BCAS3: variants seen among roughly 807,000 people sequenced by gnomAD.
The protein encoded by BCAS3 is BCAS4/BCAS3 fusion.
BCAS3 carries 53 observed loss-of-function variants against 116.1 expected under a neutral mutation model. The observed-to-expected ratio is 0.46, with a 90% confidence interval of 0.37 to 0.57. The LOEUF (loss-of-function observed/expected upper bound fraction) is 0.57, where lower values mean the gene tolerates loss of function less well. Among genes scored for constraint, BCAS3 ranks in the 20% least tolerant of loss-of-function variants. The pLI is 0.00. For synonymous variants in BCAS3, 391 were observed against 408.2 expected, an observed-to-expected ratio of 0.96 and a Z score of 0.51; for missense variants, 917 against 1,165.4, an observed-to-expected ratio of 0.79 and a Z score of 3.10.
At position 61,077,116 on chromosome 17, in the gene BCAS3, C is replaced by A. The variant is rs1450300103; in HGVS notation, c.2131-1217C>A. Among the ~76,000 whole-genome samples, 1 of 149,452 alleles carries A rather than the reference C, an allele frequency of 6.7e-6. No individual in the cohort carries two copies. Among genetic ancestry groups the A allele is most frequent in the Non-Finnish European group, 1.5e-5 (1 of 67,870 alleles). On this transcript the variant is annotated intron_variant, in intron 20 of 23. Coordinates refer to ENST00000407086, the MANE Select transcript of BCAS3 (RefSeq NM_017679.5). The surrounding 1 kb of genome is among the most constrained non-coding windows in gnomAD (Gnocchi z 4.3). ...TTAAACTAGTTTGTATATTTAGTCTCTCATTCGAGTTGATTATTTGTAAAA... is the reference window on the plus strand; with the variant it reads ...TTAAACTAGTTTGTATATTTAGTCTATCATTCGAGTTGATTATTTGTAAAA...
At chr17:61,174,604 T>G (rs917573) in intron 22 of BCAS3, among the ~76,000 whole-genome samples, 108,448 of 152,162 alleles carry the variant, frequency 0.71, 39,755 homozygotes, top group South Asian at 0.87. Flanking sequence ...TGTGACTAGT[T>G]CTGTAATGAA....
intron 22 of BCAS3, chr17:61,086,981 T>C: frequency 1.0e-6 from 1 of 985,406 alleles, no homozygotes; most frequent in Non-Finnish European, 1.2e-6. Context: ...TCTACATCTG[T>C]GGAAAACAAC....
intron 22 of BCAS3, among the ~76,000 whole-genome samples, chr17:61,102,599 T>C (rs1160310781): frequency 1.3e-5 from 2 of 152,194 alleles, no homozygotes; most frequent in Admixed American, 1.3e-4. Flanking sequence ...TTACATAGCT[T>C]GTTGTTAAAG....
At chr17:60,692,962 G>C (rs1270913776) in intron 4 of BCAS3, among the ~76,000 whole-genome samples, 1 of 151,834 alleles carries the variant, frequency 6.6e-6, no homozygotes, top group East Asian at 1.9e-4. Flanking sequence ...CTGACCTTAG[G>C]AGAAATCAGA....
intron 6 of BCAS3, among the ~76,000 whole-genome samples, chr17:60,761,534 A>G (rs2043533041): frequency 6.6e-6 from 1 of 152,000 alleles, no homozygotes; most frequent in Admixed American, 6.6e-5. Context: ...AAGGACATGA[A>G]CTCATCATTT....
rs1056408474 is a variant in BCAS3 at position 61,134,459 on chromosome 17, C to T, written c.2425+49895C>T. Among the ~76,000 whole-genome samples the T allele has an allele frequency of 1.3e-5, 2 of 152,208 alleles. No homozygotes were observed. The highest frequency in any genetic ancestry group is 4.8e-5 in the African/African-American group (2 of 41,450). ...GACTCCAGAGCCCTCGCTTTTTACA[C>T]CAGCCTCTACTATCTCCCTGTGTGA... On this transcript the variant is annotated intron_variant, in intron 22 of 23. Transcript: ENST00000407086. This position sits in a 1 kb window ranked among gnomAD's most constrained non-coding sequence, Gnocchi z 4.6.
intron 8 of BCAS3, among the ~76,000 whole-genome samples, chr17:60,871,652 A>G (rs1044503673): frequency 2.0e-5 from 3 of 151,206 alleles, no homozygotes; most frequent in Non-Finnish European, 4.4e-5. Context: ...AGTGAAGTCA[A>G]TATGAGGACG....
rs766685633 is a variant in BCAS3, at chr17:61,027,448, A to G, written c.1638-7218A>G. 4.0e-5 allele frequency: 17 copies of G among 429,538 alleles called. No homozygotes were observed. The East Asian group carries it at 1.2e-3, about 31-fold the overall frequency. 26.6% of individuals were successfully genotyped at this position (429,538 alleles called of 1,614,324 possible). A position where few individuals can be genotyped will look rare whatever the true frequency, so the allele number is the denominator to read the frequency against. ...TATTTTACATAAAACCTCCTAAATA[A>G]TTTATTATTTTGAATTATTAGCACA... On this transcript the variant is annotated intron_variant, in intron 16 of 23. Transcript: ENST00000407086.
chr17:61,214,670 G>A lies in BCAS3; in HGVS notation c.2425+130106G>A, dbSNP rs998227641. The stretch of plus-strand genomic sequence containing the variant: ...CGCGCCACTGCACTCCAGCCTGGGC[G>A]ACAGAGCAAGACTCCATCTCAAAAA... On this transcript the variant is annotated intron_variant, in intron 22 of 23. Transcript: ENST00000407086. This position sits in a 1 kb window ranked among gnomAD's most constrained non-coding sequence, Gnocchi z 4.4. 2.6e-5 allele frequency among the ~76,000 whole-genome samples: 4 copies of A among 151,466 alleles called. No homozygotes were observed. Among genetic ancestry groups the A allele is most frequent in the Non-Finnish European group, 5.9e-5 (4 of 67,888 alleles).
rs2083025072 is a variant in BCAS3 at position 61,235,969 on chromosome 17, T to A, written c.2426-132358T>A. On this transcript the variant is annotated intron_variant, in intron 22 of 23. Coordinates refer to ENST00000407086, the MANE Select transcript of BCAS3 (RefSeq NM_017679.5). The surrounding 1 kb of genome is among the most constrained non-coding windows in gnomAD (Gnocchi z 5.0). ...CAAAGGCTGATTATCCAAACAAGAA[T>A]TTGGACTGCAGCAGTCGGACCAGTT... Among the ~76,000 whole-genome samples, 1 of 152,180 alleles carries A rather than the reference T, an allele frequency of 6.6e-6. No homozygotes were observed. The highest frequency in any genetic ancestry group is 2.4e-5 in the African/African-American group (1 of 41,432).
intron 22 of BCAS3, among the ~76,000 whole-genome samples, chr17:61,287,452 G>GT (rs1222660526): frequency 6.6e-6 from 1 of 152,102 alleles, no homozygotes; most frequent in Non-Finnish European, 1.5e-5. Context: ...TTTGCAGGGC[G>GT]TGGTGGCTCA....
rs146080130 is a variant in BCAS3 at position 61,358,368 on chromosome 17, A to G, written c.2426-9959A>G. 6.6e-5 allele frequency among the ~76,000 whole-genome samples: 10 copies of G among 152,214 alleles called. No individual in the cohort carries two copies. In the East Asian group the frequency reaches 1.9e-3, roughly 29 times the overall value. On this transcript the variant is annotated intron_variant, in intron 22 of 23. Transcript: ENST00000407086. ...AAGTATAACTTTCTTAACAAATACC[A>G]TATTGTAGGGCTGTGTTAAAATGGC...
chr17:60,813,747 C>T (rs2049063654), intron 7 of BCAS3, among the ~76,000 whole-genome samples: 1 of 152,024 alleles, frequency 6.6e-6, no homozygotes, highest in African/African-American at 2.4e-5. Flanking sequence ...AATGGTATTT[C>T]CTAGGTTTTC....
At chr17:60,715,937 A>G (rs993936566) in intron 5 of BCAS3, among the ~76,000 whole-genome samples, 13 of 150,352 alleles carry the variant, frequency 8.6e-5, no homozygotes, top group Admixed American at 7.9e-4. Flanking sequence ...ATCTCGGCTC[A>G]CTGCAGCCTC....
chr17:60,902,812 C>A, intron 11 of BCAS3, 109 bp downstream of exon 11: 1 of 876,166 alleles, frequency 1.1e-6, no homozygotes, highest in Non-Finnish European at 1.8e-6. Flanking sequence ...TGTACTTATC[C>A]AATTTTAAAG....
intron 22 of BCAS3, among the ~76,000 whole-genome samples, chr17:61,234,545 A>G (rs1456596655): frequency 1.3e-5 from 2 of 152,124 alleles, no homozygotes; most frequent in Non-Finnish European, 2.9e-5. Context: ...TCCCAGGGAG[A>G]GGAGTTTCCT....
chr17:61,224,590 A>G lies in BCAS3; in HGVS notation c.2425+140026A>G, dbSNP rs2082279434. On this transcript the variant is annotated intron_variant, in intron 22 of 23. Coordinates refer to ENST00000407086, the MANE Select transcript of BCAS3 (RefSeq NM_017679.5). This position sits in a 1 kb window ranked among gnomAD's most constrained non-coding sequence, Gnocchi z 5.7. ...TCCTTTGAATACTTTGCAGTGTTTC[A>G]TATACATCTGGAGTCAACTGGTTTG... Among the ~76,000 whole-genome samples, 1 of 152,200 alleles carries G rather than the reference A, an allele frequency of 6.6e-6. No individual in the cohort carries two copies. Among genetic ancestry groups the G allele is most frequent in the Admixed American group, 6.5e-5 (1 of 15,276 alleles).
intron 19 of BCAS3, among the ~76,000 whole-genome samples, chr17:61,045,943 T>TATTA (rs1555685204): frequency 8.4e-4 from 14 of 16,630 alleles, no homozygotes; most frequent in African/African-American, 7.7e-3. Flanking sequence ...AATATATATA[T>TATTA]TATATATATA....
chr17:60,743,414 T>C (rs1404896147), intron 5 of BCAS3, among the ~76,000 whole-genome samples: 1 of 152,118 alleles, frequency 6.6e-6, no homozygotes, highest in Non-Finnish European at 1.5e-5. Flanking sequence ...TGATGTCTTT[T>C]GGTTCAGAGG....
Sources: allele counts gnomAD v4.1 joint callset (sites outside exome capture counted in the v4.1 genomes callset), GRCh38; gene constraint gnomAD v4.1.1; non-coding constraint Gnocchi (gnomAD v3.1); transcripts MANE v1.5; gene names NCBI Gene and HGNC (gene_info 2026-07-23, HGNC 2026-07-21).